USP9X: variants seen among roughly 807,000 people sequenced by gnomAD.
USP9X encodes the protein ubiquitin carboxyl-terminal hydrolase 9X.
USP9X carries 7 observed loss-of-function variants against 190.3 expected under a neutral mutation model. That is an observed-to-expected ratio of 0.04 (90% CI 0.02 to 0.07). The LOEUF is 0.07. Ranked by LOEUF, USP9X falls within the 10% of genes least tolerant of loss-of-function variation. The pLI, the probability that USP9X is intolerant of heterozygous loss-of-function variation, is 1.00. For missense variants in USP9X, 1,010 were observed against 1,916.9 expected, an observed-to-expected ratio of 0.53 and a Z score of 8.83; for synonymous variants, 645 against 659.5, an observed-to-expected ratio of 0.98 and a Z score of 0.34.
chrX:41,143,752 A>T (rs2062441473), intron 10 of USP9X, among the ~76,000 whole-genome samples: 1 of 112,207 alleles, frequency 8.9e-6, no homozygotes, highest in Non-Finnish European at 1.9e-5. Flanking sequence ...GTTTCTTCAT[A>T]GATTTAATAG....
At chrX:41,159,747 C>T (rs1415650374) in intron 14 of USP9X, among the ~76,000 whole-genome samples, 1 of 110,923 alleles carries the variant, frequency 9.0e-6, no homozygotes. Flanking sequence ...TGGTCTCAAA[C>T]TCCTGCCCTC....
chrX:41,197,373 A>G lies in USP9X; in HGVS notation c.4243A>G (p.Lys1415Glu). 1 of 642,396 alleles carries G rather than the reference A, an allele frequency of 1.6e-6. No homozygotes were observed. Among genetic ancestry groups the G allele is most frequent in the Non-Finnish European group, 2.1e-6 (1 of 472,536 alleles). The allele number at this position is 642,396 out of a possible 1,213,427, so 52.9% of individuals were successfully genotyped here. A position where few individuals can be genotyped will look rare whatever the true frequency, so the allele number is the denominator to read the frequency against. Residue 1415 changes from lysine to glutamate, a missense_variant, in exon 29 of 45, where the codon AAA (lysine) becomes GAA (glutamate). Transcript: ENST00000378308. Reference sequence around the variant, plus strand: ...CCCCCGCCTTTGGCAGGATGATGTTAAAAGAACAGGAGAAACGGGTATTGA... The same window carrying G: ...CCCCCGCCTTTGGCAGGATGATGTTGAAAGAACAGGAGAAACGGGTATTGA... ...DWLKRIRDDV[K>E]RTGETGIEET...
intron 1 of USP9X, among the ~76,000 whole-genome samples, chrX:41,113,969 TAA>T (rs1360362914): frequency 3.5e-5 from 4 of 112,873 alleles, no homozygotes; most frequent in Non-Finnish European, 5.6e-5. Flanking sequence ...AAAGATGGAT[TAA>T]GTCATAACTG....
intron 38 of USP9X, among the ~76,000 whole-genome samples, chrX:41,220,938 C>T (rs1473875798): frequency 3.0e-5 from 3 of 99,649 alleles, no homozygotes; most frequent in Admixed American, 1.1e-4. Context: ...GGCAAGACTC[C>T]GTCTCAAAAA....
intron 44 of USP9X, 144 bp from the exon 45 acceptor site, chrX:41,232,243 G>GTTTTTT: frequency 1.4e-5 from 9 of 637,626 alleles, no homozygotes; most frequent in African/African-American, 2.3e-5. Context: ...TTTTGTTTTT[G>GTTTTTT]TTTTGCACTA....
intron 1 of USP9X, among the ~76,000 whole-genome samples, chrX:41,102,353 C>A (rs1279905568): frequency 8.9e-6 from 1 of 111,793 alleles, no homozygotes. Flanking sequence ...TGCAGTGGCT[C>A]ATGCCTGTAA....
At chrX:41,158,291 A>G (rs911563131) in intron 14 of USP9X, among the ~76,000 whole-genome samples, 4 of 111,530 alleles carry the variant, frequency 3.6e-5, no homozygotes, top group Non-Finnish European at 5.7e-5. Flanking sequence ...CCCCAGACTG[A>G]GACACATTAT....
At position 41,218,174 on chromosome X, in the gene USP9X, C is replaced by T. The variant is rs1394631630; in HGVS notation, c.6210-198C>T. 4.5e-5 allele frequency among the ~76,000 whole-genome samples: 5 copies of T among 111,033 alleles called. No individual in the cohort carries two copies. In the Admixed American group the frequency reaches 4.8e-4, roughly 11 times the overall value. On this transcript the variant is annotated intron_variant, in intron 36 of 44. Transcript: ENST00000378308. Reference sequence around the variant, plus strand: ...GGATTTTTAGAGGACAAGCTTTCACCTGTTTGGTAACTCTGAGAGAATAGA... The same window carrying T: ...GGATTTTTAGAGGACAAGCTTTCACTTGTTTGGTAACTCTGAGAGAATAGA...
intron 1 of USP9X, among the ~76,000 whole-genome samples, chrX:41,101,884 A>G (rs1429840084): frequency 8.9e-6 from 1 of 111,993 alleles, no homozygotes; most frequent in Admixed American, 9.5e-5. Flanking sequence ...AACTTGGATG[A>G]ACTTTGAAAA....
chrX:41,113,762 T>C (rs1000869037), intron 1 of USP9X, among the ~76,000 whole-genome samples: 1 of 111,502 alleles, frequency 9.0e-6, no homozygotes, highest in Non-Finnish European at 1.9e-5. Flanking sequence ...ATAAACTGCA[T>C]AGCTTGGAAA....
intron 11 of USP9X, 29 bp from the exon 12 acceptor site, chrX:41,148,340 T>C: frequency 8.3e-7 from 1 of 1,203,211 alleles, no homozygotes; most frequent in Non-Finnish European, 1.1e-6. Context: ...AAATATGTGT[T>C]GTTTTCATGT....
intron 11 of USP9X, among the ~76,000 whole-genome samples, chrX:41,147,178 T>TG (rs2062473452): frequency 9.1e-6 from 1 of 110,311 alleles, no homozygotes; most frequent in African/African-American, 3.3e-5. Flanking sequence ...ACAGAAGGTT[T>TG]TTTTTTTTTT....
chrX:41,141,108 G>A lies in USP9X; in HGVS notation c.913G>A (p.Asp305Asn), dbSNP rs1490427764. 1 of 1,204,892 alleles carries A rather than the reference G, an allele frequency of 8.3e-7. No individual in the cohort carries two copies. The highest frequency in any genetic ancestry group is 2.2e-5 in the Admixed American group (1 of 45,232). Residue 305 changes from aspartate to asparagine, a missense_variant, in exon 8 of 45, where the codon GAT becomes AAT. Physicochemically the swap from Asp to Asn is conservative, Grantham distance 23. Transcript: ENST00000378308. ...KKEAKNEAKNDALSMIIKSLK... is the reference protein window; with the variant it reads ...KKEAKNEAKNNALSMIIKSLK... Reference sequence around the variant, plus strand: ...AGAAGCAAAGAATGAAGCCAAAAATGATGCTCTTTCAATGATTATTAAATC... The same window carrying A: ...AGAAGCAAAGAATGAAGCCAAAAATAATGCTCTTTCAATGATTATTAAATC...
intron 17 of USP9X, among the ~76,000 whole-genome samples, 162 bp downstream of exon 17, chrX:41,167,739 G>A (rs753803825): frequency 8.9e-6 from 1 of 112,095 alleles, no homozygotes; most frequent in East Asian, 2.8e-4. Flanking sequence ...TGTTGAAATG[G>A]CAAAGAAAGT....
chrX:41,207,079 CTTTTTTTT>C (rs34779889), intron 32 of USP9X, among the ~76,000 whole-genome samples: 2 of 30,484 alleles, frequency 6.6e-5, no homozygotes, highest in Admixed American at 5.6e-4. Flanking sequence ...GCTCCCTGGC[CTTTTTTTT>C]TTTTTTTTTT....
chrX:41,092,093 T>C (rs1397919833), intron 1 of USP9X, among the ~76,000 whole-genome samples: 6 of 111,937 alleles, frequency 5.4e-5, no homozygotes, highest in East Asian at 5.6e-4. Flanking sequence ...TTATTAATCA[T>C]GTGAGCTTTG....
At chrX:41,217,136 C>T (rs1030927887) in intron 35 of USP9X, 84 bp from the exon 36 acceptor site, 143 of 1,073,695 alleles carry the variant, frequency 1.3e-4, no homozygotes, top group Non-Finnish European at 1.6e-4. Context: ...TTTAGGACTT[C>T]TCAAAATTAA....
intron 32 of USP9X, among the ~76,000 whole-genome samples, chrX:41,208,682 T>C (rs1401637530): frequency 9.0e-6 from 1 of 111,458 alleles, no homozygotes; most frequent in Non-Finnish European, 1.9e-5. Flanking sequence ...GGTTTATTTT[T>C]TTTTTAAGTT....
chrX:41,090,038 C>T (rs1380428043), intron 1 of USP9X, among the ~76,000 whole-genome samples: 2 of 103,427 alleles, frequency 1.9e-5, no homozygotes, highest in African/African-American at 7.1e-5. Context: ...CCTGAGTAGC[C>T]GGGACTACAG....
Sources: allele counts gnomAD v4.1 joint callset (sites outside exome capture counted in the v4.1 genomes callset), GRCh38; gene constraint gnomAD v4.1.1; transcripts MANE v1.5; gene names NCBI Gene and HGNC (gene_info 2026-07-23, HGNC 2026-07-21).